DNAAF10: variants seen among roughly 807,000 people sequenced by gnomAD.
DNAAF10 encodes WD repeat domain 92.
A neutral mutation model predicts 43.7 loss-of-function variants in DNAAF10; 28 were observed. The ratio of observed to expected loss-of-function variants is 0.64; its 90% CI spans 0.48 to 0.88. The LOEUF (loss-of-function observed/expected upper bound fraction) is 0.88. Among genes scored for constraint, DNAAF10 ranks in the 40% least tolerant of loss-of-function variants. The pLI is 0.00. For missense variants in DNAAF10, 403 were observed against 439.1 expected, an observed-to-expected ratio of 0.92 and a Z score of 0.73; for synonymous variants, 156 against 157.3, an observed-to-expected ratio of 0.99 and a Z score of 0.06.
Position 68,136,274 on chromosome 2 carries a change from C to T in DNAAF10, c.768+1025G>A, listed in dbSNP as rs552216041. Reference sequence around the variant, plus strand: ...ACAAAACAAAAAACCAGAGATGACACTATTATGTATAGATAATGAAATATG... The same window carrying T: ...ACAAAACAAAAAACCAGAGATGACATTATTATGTATAGATAATGAAATATG... On this transcript the variant is annotated intron_variant, in intron 6 of 7. Coordinates refer to ENST00000295121, the MANE Select transcript of DNAAF10 (RefSeq NM_138458.4). Among the ~76,000 whole-genome samples, 3 of 148,886 alleles carry T rather than the reference C, an allele frequency of 2.0e-5. No individual in the cohort carries two copies. In the East Asian group the frequency reaches 5.9e-4, roughly 29 times the overall value.
At chr2:68,155,714 A>G (rs1558614396) in intron 1 of DNAAF10, among the ~76,000 whole-genome samples, 1 of 151,962 alleles carries the variant, frequency 6.6e-6, no homozygotes, top group African/African-American at 2.4e-5. Flanking sequence ...AAAAACAAAA[A>G]CAACCCAAAA....
Position 68,131,266 on chromosome 2 carries a change from A to T in DNAAF10, c.1046T>A (p.Leu349Gln). The change falls in exon 8 of 8, where the codon CTG (leucine) becomes CAG (glutamine). Residue 349 changes from leucine to glutamine, a missense_variant. Transcript: ENST00000295121. ...AATTTTATTGAGCTTTGTAACGATC[A>T]GTACTCTCACCGTTTGGTCAAATGA... is the stretch of plus-strand genomic sequence containing the variant. ...CSSFDQTVRVLIVTKLNKI is the reference protein window; with the variant it reads ...CSSFDQTVRVQIVTKLNKI 6.2e-7 allele frequency: 1 copy of T among 1,614,096 alleles called. No individual in the cohort carries two copies. Among genetic ancestry groups the T allele is most frequent in the Non-Finnish European group, 8.5e-7 (1 of 1,179,998 alleles).
chr2:68,146,893 T>C (rs900932355), intron 2 of DNAAF10, among the ~76,000 whole-genome samples: 3 of 152,086 alleles, frequency 2.0e-5, no homozygotes, highest in Admixed American at 6.5e-5. Flanking sequence ...TGCAAAGTAA[T>C]TAAAAAGGAA....
intron 6 of DNAAF10, among the ~76,000 whole-genome samples, chr2:68,136,960 T>C (rs1350155604): frequency 6.6e-6 from 1 of 152,216 alleles, no homozygotes; most frequent in Non-Finnish European, 1.5e-5. Context: ...GAAAAATATA[T>C]AACCAGGTAT....
chr2:68,137,389 C>T lies in DNAAF10; in HGVS notation c.678G>A (p.Lys226=). The change falls in exon 6 of 8, where the codon AAG becomes AAA. Residue 226 remains lysine, a synonymous_variant. Transcript: ENST00000295121. ...TTCCTTCCAGAGATGTGGCTACTAA[C>T]TTATTCATACTTATGTCTTTTCTGT... The part of the protein sequence containing the change: ...EFDRKDISMN[K]LVATSLEGKF... The T allele has an allele frequency of 6.2e-7, 1 of 1,613,334 alleles. No individual in the cohort carries two copies. The highest frequency in any genetic ancestry group is 8.5e-7 in the Non-Finnish European group (1 of 1,179,684).
chr2:68,134,228 A>G, intron 7 of DNAAF10: 1 of 991,730 alleles, frequency 1.0e-6, no homozygotes, highest in Non-Finnish European at 1.2e-6. Flanking sequence ...AGTGGTGTGC[A>G]TAGTAAAAGC....
At chr2:68,135,347 C>G (rs997582244) in intron 6 of DNAAF10, among the ~76,000 whole-genome samples, 1 of 152,148 alleles carries the variant, frequency 6.6e-6, no homozygotes, top group African/African-American at 2.4e-5. Context: ...ATTTACCTGT[C>G]CAGTCTTCAA....
rs1672919495 is a variant in DNAAF10, at chr2:68,130,976, C to T, written c.*262G>A. ...AGTTGCCCAGGCTGGAGTGCAGTGG[C>T]ACAATCTCGGCTCACTGCAACCTCC... On this transcript the variant is annotated 3_prime_UTR_variant, in exon 8 of 8. Coordinates refer to ENST00000295121, the MANE Select transcript of DNAAF10 (RefSeq NM_138458.4). 3.7e-6 allele frequency: 1 copy of T among 270,114 alleles called. No individual in the cohort carries two copies. The highest frequency in any genetic ancestry group is 7.1e-6 in the Non-Finnish European group (1 of 141,350). The allele number at this position is 270,114 out of a possible 1,614,324, so 16.7% of individuals were successfully genotyped here.
At chr2:68,147,400 A>G in intron 2 of DNAAF10, 67 bp downstream of exon 2, 2 of 1,161,050 alleles carry the variant, frequency 1.7e-6, no homozygotes, top group Non-Finnish European at 2.5e-6. Context: ...CTTTCAGAGA[A>G]AGAGTAATGA....
rs1041963001 is a variant in DNAAF10 at position 68,140,243 on chromosome 2, G to A, written c.518-1386C>T. On this transcript the variant is annotated intron_variant, in intron 4 of 7. Coordinates refer to ENST00000295121, the MANE Select transcript of DNAAF10 (RefSeq NM_138458.4). ...CAATGCTTTCATTGCCCCTAACTTCGTTTTTCTCATAAACTCCAGCCCTGC... is the reference window on the plus strand; with the variant it reads ...CAATGCTTTCATTGCCCCTAACTTCATTTTTCTCATAAACTCCAGCCCTGC... Among the ~76,000 whole-genome samples the A allele has an allele frequency of 5.9e-5, 9 of 151,984 alleles. No individual in the cohort carries two copies. In the South Asian group the frequency reaches 8.3e-4, roughly 14 times the overall value.
intron 3 of DNAAF10, among the ~76,000 whole-genome samples, chr2:68,144,350 G>A (rs1029080645): frequency 6.6e-6 from 1 of 152,170 alleles, no homozygotes; most frequent in Non-Finnish European, 1.5e-5. Context: ...AGCTGAACCA[G>A]CTCAACACTA....
chr2:68,146,404 AT>A (rs972715026), intron 2 of DNAAF10, among the ~76,000 whole-genome samples: 1 of 152,194 alleles, frequency 6.6e-6, no homozygotes, highest in African/African-American at 2.4e-5. Flanking sequence ...TTAAAACATT[AT>A]TTTTTAACAT....
At chr2:68,154,005 G>C (rs80092769) in intron 1 of DNAAF10, among the ~76,000 whole-genome samples, 6,128 of 151,822 alleles carry the variant, frequency 0.04, 457 homozygotes, top group African/African-American at 0.14. Flanking sequence ...CCCCCGCCTC[G>C]GCCTCTCAAA....
intron 6 of DNAAF10, among the ~76,000 whole-genome samples, chr2:68,137,015 T>C (rs561234559): frequency 6.6e-6 from 1 of 152,366 alleles, no homozygotes; most frequent in East Asian, 1.9e-4. Context: ...AGGCTGGGTT[T>C]TGTTGATCAA....
chr2:68,148,485 G>A (rs1673378521), intron 1 of DNAAF10, among the ~76,000 whole-genome samples: 1 of 151,950 alleles, frequency 6.6e-6, no homozygotes. Flanking sequence ...TGCCTCCCTG[G>A]GTCTTCTATT....
chr2:68,140,367 C>T (rs533428331), intron 4 of DNAAF10, among the ~76,000 whole-genome samples: 7 of 152,298 alleles, frequency 4.6e-5, no homozygotes, highest in African/African-American at 1.7e-4. Context: ...TATCCCACCC[C>T]TTGTATAATT....
At chr2:68,134,424 A>G in intron 7 of DNAAF10, 1 of 1,209,356 alleles carries the variant, frequency 8.3e-7, no homozygotes, top group Non-Finnish European at 1.0e-6. Flanking sequence ...TCAAGATAGT[A>G]TCTGATAAAA....
intron 2 of DNAAF10, among the ~76,000 whole-genome samples, chr2:68,145,952 A>G (rs1673305493): frequency 6.6e-6 from 1 of 152,226 alleles, no homozygotes; most frequent in Non-Finnish European, 1.5e-5. Flanking sequence ...AAGATTTATT[A>G]GTAAAACCTT....
chr2:68,148,282 T>C (rs879566838), intron 1 of DNAAF10, among the ~76,000 whole-genome samples: 2 of 152,272 alleles, frequency 1.3e-5, no homozygotes, highest in East Asian at 1.9e-4. Flanking sequence ...GACCAAAGCA[T>C]AGGGCTGTAC....
Sources: gnomAD v4.1 joint callset for allele counts (sites outside exome capture counted in the v4.1 genomes callset) on GRCh38, gnomAD v4.1.1 for gene constraint, MANE v1.5 for transcripts, NCBI Gene and HGNC (gene_info 2026-07-23, HGNC 2026-07-21) for gene names.